Variants in ZBTB7C observed in about 807,000 individuals in gnomAD.
The protein encoded by ZBTB7C is zinc finger and BTB domain containing 7C.
In ZBTB7C, 8 loss-of-function variants were observed where a neutral mutation model predicts 25.7. The ratio of observed to expected loss-of-function variants is 0.31; its 90% CI spans 0.18 to 0.56. The LOEUF (loss-of-function observed/expected upper bound fraction) is 0.56, where lower values mean the gene tolerates loss of function less well. ZBTB7C is among the 20% of genes least tolerant of loss of function. The pLI, the probability that ZBTB7C is intolerant of heterozygous loss-of-function variation, is 0.91. For missense variants in ZBTB7C, 824 were observed against 855.2 expected, an observed-to-expected ratio of 0.96 and a Z score of 0.46; for synonymous variants, 394 against 369.0, an observed-to-expected ratio of 1.07 and a Z score of -0.78.
At chr18:48,348,291 C>T (rs951609477) in intron 1 of ZBTB7C, among the ~76,000 whole-genome samples, 7 of 152,206 alleles carry the variant, frequency 4.6e-5, no homozygotes, top group South Asian at 2.1e-4. Flanking sequence ...ATCCTAGGTC[C>T]GAGTCTAGCT....
intron 4 of ZBTB7C, among the ~76,000 whole-genome samples, chr18:48,033,725 A>C (rs893550166): frequency 6.6e-6 from 1 of 152,194 alleles, no homozygotes; most frequent in Non-Finnish European, 1.5e-5. Context: ...CACTGATCTA[A>C]TTACTTCCAA....
Position 48,192,996 on chromosome 18 carries a change from G to A in ZBTB7C, c.-78-7001C>T, listed in dbSNP as rs148666490. On this transcript the variant is annotated intron_variant, in intron 2 of 4. Transcript: ENST00000590800. ...AAAATCAACCATTTCAAAACACAAC[G>A]CTCGGTGCCAATAAGTATGGGGCAT... 1.2e-3 allele frequency among the ~76,000 whole-genome samples: 181 copies of A among 152,048 alleles called. 3 individuals carry two copies. In the East Asian group the frequency reaches 0.025, roughly 21 times the overall value.
In ZBTB7C at chr18:48,041,133, C is replaced by T. The variant is rs745777062; in HGVS notation, c.-16-10G>A. ...GTTCTCAGCCAGAGCCCTGCAGAGA[C>T]ACACAGAGAAGAAGACTGGGTTAGT... On this transcript the variant is annotated splice_polypyrimidine_tract_variant and intron_variant, in intron 3 of 4. Transcript: ENST00000590800. The T allele has an allele frequency of 2.5e-6, 4 of 1,568,952 alleles. No individual in the cohort carries two copies. The Admixed American group carries it at 6.9e-5, about 27-fold the overall frequency.
At chr18:48,046,663 C>T (rs748117237) in intron 3 of ZBTB7C, among the ~76,000 whole-genome samples, 3 of 152,178 alleles carry the variant, frequency 2.0e-5, no homozygotes, top group Non-Finnish European at 4.4e-5. Context: ...TGATCAGCGT[C>T]CCACTGTGAT....
intron 3 of ZBTB7C, among the ~76,000 whole-genome samples, chr18:48,103,226 A>G (rs1006501058): frequency 2.0e-5 from 3 of 151,718 alleles, no homozygotes; most frequent in African/African-American, 7.3e-5. Flanking sequence ...TCAGAAAAGC[A>G]CATTCCCAGT....
At chr18:48,364,069 C>T (rs887427736) in intron 1 of ZBTB7C, 1 of 152,240 alleles carries the variant, frequency 6.6e-6, no homozygotes, top group African/African-American at 2.4e-5. Flanking sequence ...ATTCATTCTC[C>T]TCTGGGGCAA....
At position 48,235,705 on chromosome 18, in the gene ZBTB7C, A is replaced by G. The variant is rs143707148; in HGVS notation, c.-78-49710T>C. ...GTCCAAATTTTTTTTATTATTTATA[A>G]ACACATAAAATCCTCATTTGATACA... On this transcript the variant is annotated intron_variant, in intron 2 of 4. Transcript: ENST00000590800. Among the ~76,000 whole-genome samples, 1,207 of 152,202 alleles carry G rather than the reference A, an allele frequency of 7.9e-3. 23 individuals are homozygous for G. The highest frequency in any genetic ancestry group is 0.026 in the African/African-American group (1,093 of 41,540).
intron 3 of ZBTB7C, among the ~76,000 whole-genome samples, chr18:48,155,452 C>T (rs1252864192): frequency 6.7e-6 from 1 of 149,938 alleles, no homozygotes; most frequent in East Asian, 2.0e-4. Context: ...CTCAGCCTCC[C>T]GAGTAGCTGG....
Position 48,037,632 on chromosome 18 carries a change from A to C in ZBTB7C, c.1208+2268T>G, listed in dbSNP as rs548953261. 7.2e-5 allele frequency among the ~76,000 whole-genome samples: 11 copies of C among 152,246 alleles called. No homozygotes were observed. In the South Asian group the frequency reaches 1.0e-3, roughly 14 times the overall value. ...GAGGAAAGGGAGTGGGGAAGAAGGG[A>C]GATGGGGTCTCAGGGTGCCAGCAGG... On this transcript the variant is annotated intron_variant, in intron 4 of 4. Transcript: ENST00000590800.
chr18:48,335,406 C>A (rs888427246), intron 2 of ZBTB7C, among the ~76,000 whole-genome samples: 1 of 152,156 alleles, frequency 6.6e-6, no homozygotes, highest in Non-Finnish European at 1.5e-5. Context: ...GGCTCAGAGA[C>A]CTTCAGGAAC....
At chr18:48,055,187 A>T (rs2036862482) in intron 3 of ZBTB7C, among the ~76,000 whole-genome samples, 1 of 151,660 alleles carries the variant, frequency 6.6e-6, no homozygotes, top group Non-Finnish European at 1.5e-5. Flanking sequence ...AGGCGGGAGG[A>T]TCATTTAAAG....
intron 2 of ZBTB7C, among the ~76,000 whole-genome samples, chr18:48,333,479 G>C (rs1255329175): frequency 6.6e-6 from 1 of 152,158 alleles, no homozygotes; most frequent in Non-Finnish European, 1.5e-5. Flanking sequence ...CCATTTAATA[G>C]AGGAGAACAT....
chr18:48,361,278 T>C (rs768522854), intron 1 of ZBTB7C, among the ~76,000 whole-genome samples: 3 of 152,222 alleles, frequency 2.0e-5, no homozygotes, highest in African/African-American at 4.8e-5. Context: ...TTTTTATTCA[T>C]GATTTCACTT....
intron 2 of ZBTB7C, among the ~76,000 whole-genome samples, chr18:48,250,039 C>T (rs1300383398): frequency 6.6e-6 from 1 of 152,136 alleles, no homozygotes; most frequent in African/African-American, 2.4e-5. Context: ...CTCCACTTTG[C>T]CCAAACCAGA....
chr18:48,316,870 T>C (rs1401584164), intron 2 of ZBTB7C, among the ~76,000 whole-genome samples: 1 of 152,226 alleles, frequency 6.6e-6, no homozygotes, highest in Non-Finnish European at 1.5e-5. Context: ...GCCACACCTC[T>C]CTGGGCCTCA....
chr18:48,264,018 T>A (rs1237850871), intron 2 of ZBTB7C, among the ~76,000 whole-genome samples: 4 of 152,194 alleles, frequency 2.6e-5, no homozygotes, highest in African/African-American at 9.7e-5. Context: ...CATCAAGACC[T>A]ATAAAGATAT....
chr18:48,396,482 T>A (rs2048030747), intron 1 of ZBTB7C, among the ~76,000 whole-genome samples: 1 of 152,208 alleles, frequency 6.6e-6, no homozygotes, highest in Non-Finnish European at 1.5e-5. Context: ...AGGCACAGGT[T>A]CCCAAGGGCT....
chr18:48,286,881 C>T (rs2045071907), intron 2 of ZBTB7C, among the ~76,000 whole-genome samples: 2 of 151,994 alleles, frequency 1.3e-5, no homozygotes, highest in African/African-American at 2.4e-5. Flanking sequence ...GCAAACCCCC[C>T]TCTTGACAAA....
intron 2 of ZBTB7C, among the ~76,000 whole-genome samples, chr18:48,242,299 C>T (rs2043551477): frequency 6.6e-6 from 1 of 152,150 alleles, no homozygotes; most frequent in Non-Finnish European, 1.5e-5. Flanking sequence ...CCTATTGAAA[C>T]TATTCCAAAA....
Sources: gnomAD v4.1 joint callset for allele counts (sites outside exome capture counted in the v4.1 genomes callset) on GRCh38, gnomAD v4.1.1 for gene constraint, MANE v1.5 for transcripts, NCBI Gene and HGNC (gene_info 2026-07-23, HGNC 2026-07-21) for gene names.